Variants in LRRTM4 observed in about 807,000 individuals in gnomAD.
The protein encoded by LRRTM4 is leucine rich repeat transmembrane neuronal 4.
Under a neutral mutation model 47.6 loss-of-function variants are expected in LRRTM4, and 25 were observed. The ratio of observed to expected loss-of-function variants is 0.53; its 90% CI spans 0.38 to 0.73. The LOEUF is 0.73. Among genes scored for constraint, LRRTM4 ranks in the 30% least tolerant of loss-of-function variants. The pLI is 0.00. For missense variants in LRRTM4, 638 were observed against 713.4 expected, an observed-to-expected ratio of 0.89 and a Z score of 1.20; for synonymous variants, 311 against 269.5, an observed-to-expected ratio of 1.15 and a Z score of -1.51.
rs745419725 is a variant in LRRTM4, at chr2:77,050,128, C to CTTTTT, written c.1552-301217_1552-301213dup. 3.1e-3 allele frequency among the ~76,000 whole-genome samples: 350 copies of CTTTTT among 112,618 alleles called. 3 individuals are homozygous for CTTTTT. The highest frequency in any genetic ancestry group is 0.011 in the African/African-American group (316 of 28,538). 73.9% of individuals were successfully genotyped at this position (112,618 alleles called of 152,430 possible). ...CAGATGTGTTTTGTTAGAACCAAGT[C>CTTTTT]TTTTTTTTTTTTTTTTTTGCTTTGA... On this transcript the variant is annotated intron_variant, in intron 3 of 3. Coordinates refer to ENST00000409884, the MANE Select transcript of LRRTM4 (RefSeq NM_001134745.3).
chr2:76,951,239 G>A (rs1486317391), intron 3 of LRRTM4, among the ~76,000 whole-genome samples: 1 of 151,976 alleles, frequency 6.6e-6, no homozygotes, highest in East Asian at 1.9e-4. Context: ...TCTGTCCTGT[G>A]ATTTAACTTG....
chr2:77,211,589 C>T (rs564429231), intron 3 of LRRTM4, among the ~76,000 whole-genome samples: 4 of 152,130 alleles, frequency 2.6e-5, no homozygotes, highest in African/African-American at 9.6e-5. Context: ...ATATTTCTTG[C>T]TAGTTTCAGT....
intron 3 of LRRTM4, among the ~76,000 whole-genome samples, chr2:76,780,588 G>T (rs372403875): frequency 1.3e-5 from 2 of 151,764 alleles, no homozygotes; most frequent in South Asian, 2.1e-4. Context: ...CGTAGTTCTC[G>T]AGCCTTGGTT....
intron 3 of LRRTM4, among the ~76,000 whole-genome samples, chr2:77,062,955 CTTT>C (rs10706500): frequency 2.5e-4 from 27 of 108,360 alleles, no homozygotes; most frequent in East Asian, 7.3e-4. Context: ...TTATTATTAT[CTTT>C]TTTTTTTTTT....
intron 3 of LRRTM4, among the ~76,000 whole-genome samples, chr2:77,368,190 G>A (rs971842455): frequency 6.6e-6 from 1 of 151,538 alleles, no homozygotes; most frequent in African/African-American, 2.4e-5. Context: ...GTGTGGGCAG[G>A]TGCCCTAGCT....
At chr2:76,794,568 CTTTTTATTGA>C (rs996270230) in intron 3 of LRRTM4, among the ~76,000 whole-genome samples, 8 of 152,076 alleles carry the variant, frequency 5.3e-5, no homozygotes, top group Non-Finnish European at 1.2e-4. Flanking sequence ...ATTCTATATG[CTTTTTATTGA>C]TTTTACTAAC....
chr2:77,107,542 G>C (rs1336897489), intron 3 of LRRTM4, among the ~76,000 whole-genome samples: 3 of 152,068 alleles, frequency 2.0e-5, no homozygotes, highest in African/African-American at 7.2e-5. Flanking sequence ...AACTAGGCCG[G>C]GCATGGTGGC....
At chr2:77,179,848 AT>A (rs1558621214) in intron 3 of LRRTM4, among the ~76,000 whole-genome samples, 1 of 152,122 alleles carries the variant, frequency 6.6e-6, no homozygotes, top group East Asian at 1.9e-4. Flanking sequence ...TAAATCGCAA[AT>A]TTCTCTGACC....
chr2:77,351,621 T>TATATATATATATAG (rs1405990118), intron 3 of LRRTM4, among the ~76,000 whole-genome samples: 2 of 142,056 alleles, frequency 1.4e-5, no homozygotes, highest in African/African-American at 5.5e-5. Context: ...AATTTATATA[T>TATATATATATATAG]ATATATATAT....
chr2:77,073,778 CA>C (rs1487830930), intron 3 of LRRTM4, among the ~76,000 whole-genome samples: 10 of 151,780 alleles, frequency 6.6e-5, no homozygotes, highest in Non-Finnish European at 1.2e-4. Context: ...TCTATATATA[CA>C]AATATATATT....
At chr2:76,817,222 T>C (rs908377282) in intron 3 of LRRTM4, among the ~76,000 whole-genome samples, 5 of 151,910 alleles carry the variant, frequency 3.3e-5, no homozygotes, top group African/African-American at 9.7e-5. Context: ...TTAGTATCAA[T>C]GAATCAAGAA....
intron 3 of LRRTM4, among the ~76,000 whole-genome samples, chr2:77,319,748 A>C (rs1170850357): frequency 6.6e-6 from 1 of 152,206 alleles, no homozygotes; most frequent in African/African-American, 2.4e-5. Context: ...AACTAAGGAC[A>C]CCTACATTTT....
chr2:77,122,685 A>G (rs1261885485), intron 3 of LRRTM4, among the ~76,000 whole-genome samples: 3 of 151,758 alleles, frequency 2.0e-5, no homozygotes, highest in Non-Finnish European at 1.5e-5. Flanking sequence ...GCTATTCACC[A>G]TAAATTTTTT....
At chr2:77,035,580 T>C (rs1294362562) in intron 3 of LRRTM4, among the ~76,000 whole-genome samples, 1 of 151,898 alleles carries the variant, frequency 6.6e-6, no homozygotes, top group Non-Finnish European at 1.5e-5. Context: ...GAAACAAAAA[T>C]GATGTAAGCT....
intron 3 of LRRTM4, among the ~76,000 whole-genome samples, chr2:77,021,810 A>G (rs1398015227): frequency 6.6e-6 from 1 of 151,134 alleles, no homozygotes; most frequent in Non-Finnish European, 1.5e-5. Context: ...TAAATTTTTA[A>G]TATGTATTCA....
intron 3 of LRRTM4, among the ~76,000 whole-genome samples, chr2:76,793,603 G>A (rs998665825): frequency 5.1e-5 from 5 of 98,882 alleles, no homozygotes; most frequent in African/African-American, 1.3e-4. Context: ...CTGTGCTCTC[G>A]GTAAGTTAAG....
At chr2:77,518,263 A>C (rs781392498) in intron 3 of LRRTM4, 55 bp downstream of exon 3, 1 of 1,481,542 alleles carries the variant, frequency 6.7e-7, no homozygotes, top group South Asian at 1.4e-5. Context: ...GGCTTCAAAC[A>C]TTTACCTCTC....
At chr2:76,822,791 GTTTA>G (rs1671089962) in intron 3 of LRRTM4, among the ~76,000 whole-genome samples, 2 of 151,280 alleles carry the variant, frequency 1.3e-5, no homozygotes, top group Admixed American at 6.6e-5. Context: ...CAGAGATTGA[GTTTA>G]TTTATTATTT....
chr2:77,216,194 T>C (rs116548491), intron 3 of LRRTM4, among the ~76,000 whole-genome samples: 4 of 152,318 alleles, frequency 2.6e-5, no homozygotes, highest in African/African-American at 9.6e-5. Flanking sequence ...GACAGTCAGG[T>C]GAAATATACT....
Sources: gnomAD v4.1 joint callset for allele counts (sites outside exome capture counted in the v4.1 genomes callset) on GRCh38, gnomAD v4.1.1 for gene constraint, MANE v1.5 for transcripts, NCBI Gene and HGNC (gene_info 2026-07-23, HGNC 2026-07-21) for gene names.